The following CPAMD8 variants were observed in gnomAD, a reference collection of about 807,000 sequenced individuals.
The protein encoded by CPAMD8 is C3 and PZP like alpha-2-macroglobulin domain containing 8, also known as C3 and PZP-like alpha-2-macroglobulin domain-containing protein 8.
A neutral mutation model predicts 224.7 loss-of-function variants in CPAMD8; 146 were observed. The ratio of observed to expected loss-of-function variants is 0.65; its 90% CI spans 0.57 to 0.75. The LOEUF is 0.75. Ranked by LOEUF, CPAMD8 falls within the 30% of genes least tolerant of loss-of-function variation. The probability of loss-of-function intolerance (pLI) is 0.00; values close to 1 mark genes in which losing one functional copy is unlikely to be tolerated. For missense variants in CPAMD8, 2,301 were observed against 2,537.5 expected, an observed-to-expected ratio of 0.91 and a Z score of 2.00; for synonymous variants, 966 against 1,044.6, an observed-to-expected ratio of 0.92 and a Z score of 1.45.
chr19:16,907,331 G>A (rs1568461508), intron 29 of CPAMD8: 1 of 303,136 alleles, frequency 3.3e-6, no homozygotes, highest in Non-Finnish European at 4.9e-6. Context: ...TTTTTTTTTG[G>A]TAATAGGCTG....
chr19:16,902,625 C>T (rs367677958), intron 35 of CPAMD8, 24 bp downstream of exon 35: 46 of 1,517,964 alleles, frequency 3.0e-5, no homozygotes, highest in African/African-American at 1.1e-4. Context: ...GGGATGCCCA[C>T]GCCAGCAGGG....
At chr19:16,969,000 T>C (rs2054955091) in intron 18 of CPAMD8, among the ~76,000 whole-genome samples, 1 of 151,720 alleles carries the variant, frequency 6.6e-6, no homozygotes. Flanking sequence ...CTCATGAAGG[T>C]AGAGTTGGAG....
In CPAMD8 at chr19:16,980,662, C is replaced by T. The variant is rs544064745; in HGVS notation, c.1420G>A (p.Val474Met). ...LQVGEEAYFS[V>M]KSTCPCNFTL... ...AAGTTGCAGGGACATGTGGACTTCA[C>T]AGAAAAATAGGCTTCTTCCCCAACC... The change falls in exon 14 of 42, where the codon GTG becomes ATG. Residue 474 changes from valine (V) to methionine (M), a missense_variant. Val to Met is a conservative substitution (Grantham distance 21). This residue lies in a region of CPAMD8 where 301 missense variants were observed against 406.6 expected (regional missense o/e 0.74). Transcript: ENST00000443236. 1 of 1,556,110 alleles carries T rather than the reference C, an allele frequency of 6.4e-7. No individual in the cohort carries two copies. Among genetic ancestry groups the T allele is most frequent in the Non-Finnish European group, 8.7e-7 (1 of 1,152,840 alleles).
At chr19:16,904,193 CTGA>C in intron 32 of CPAMD8, 30 bp downstream of exon 32, 29 of 1,487,386 alleles carry the variant, frequency 1.9e-5, no homozygotes, top group East Asian at 5.0e-5. Context: ...CCACCCAGCC[CTGA>C]GCCCCTCCCT....
chr19:17,020,552 C>T (rs1274662818), intron 2 of CPAMD8, among the ~76,000 whole-genome samples, 199 bp from the exon 3 acceptor site: 1 of 152,098 alleles, frequency 6.6e-6, no homozygotes, highest in South Asian at 2.1e-4. Context: ...CTGGCACAAG[C>T]TGAAGGCCAG....
chr19:16,902,385 C>T (rs1001066515), intron 35 of CPAMD8, among the ~76,000 whole-genome samples: 2 of 152,008 alleles, frequency 1.3e-5, no homozygotes, highest in Non-Finnish European at 2.9e-5. Flanking sequence ...GGCATGATGG[C>T]GGGCACCTGT....
chr19:17,014,618 A>AAG (rs2056762943), intron 3 of CPAMD8, among the ~76,000 whole-genome samples: 1 of 152,182 alleles, frequency 6.6e-6, no homozygotes, highest in African/African-American at 2.4e-5. Context: ...GGTGGCAGGC[A>AAG]AGAGAGAATG....
intron 27 of CPAMD8, among the ~76,000 whole-genome samples, chr19:16,918,164 T>G (rs1453973711): frequency 6.6e-6 from 1 of 152,080 alleles, no homozygotes; most frequent in Non-Finnish European, 1.5e-5. Flanking sequence ...CCAGCTAATT[T>G]TAGTATTTTG....
chr19:16,938,852 C>G (rs886659184), intron 22 of CPAMD8, among the ~76,000 whole-genome samples: 1 of 152,210 alleles, frequency 6.6e-6, no homozygotes, highest in Non-Finnish European at 1.5e-5. Context: ...GAGAGGGGCT[C>G]CTGCATCTGC....
At chr19:16,900,551 T>C (rs1218086352) in intron 36 of CPAMD8, among the ~76,000 whole-genome samples, 2 of 152,054 alleles carry the variant, frequency 1.3e-5, no homozygotes, top group Non-Finnish European at 2.9e-5. Flanking sequence ...TGAGCTGAGA[T>C]TGTGCCATTG....
chr19:17,009,137 C>T, intron 6 of CPAMD8, 166 bp downstream of exon 6: 1 of 1,082,532 alleles, frequency 9.2e-7, no homozygotes, highest in Admixed American at 2.2e-5. Flanking sequence ...CACAGCCCAT[C>T]CCAGGGCGGA....
At chr19:16,914,044 A>T (rs1308093589) in intron 29 of CPAMD8, among the ~76,000 whole-genome samples, 1 of 152,110 alleles carries the variant, frequency 6.6e-6, no homozygotes, top group African/African-American at 2.4e-5. Context: ...AAAAACATGC[A>T]TGAGCCCAAC....
Position 16,945,578 on chromosome 19 carries a change from C to A in CPAMD8, c.2764G>T (p.Asp922Tyr). 6.2e-7 allele frequency: 1 copy of A among 1,614,170 alleles called. No homozygotes were observed. Among genetic ancestry groups the A allele is most frequent in the South Asian group, 1.1e-5 (1 of 91,080 alleles). ...HADRRVPIGV[D>Y]HVRRSVMVEA... is the part of the protein sequence containing the mutation. ...ACCATCACACTGCGCCTGACGTGAT[C>A]CACCCCGATGGGGACCCTCCTGTCG... Residue 922 changes from aspartate (D) to tyrosine (Y), a missense_variant, in exon 22 of 42, where the codon GAT becomes TAT. Asp to Tyr is a radical substitution (Grantham distance 160). This residue lies in a region of CPAMD8 where 1,709 missense variants were observed against 1,753.2 expected (regional missense o/e 0.97). Transcript: ENST00000443236.
intron 14 of CPAMD8, among the ~76,000 whole-genome samples, chr19:16,978,684 T>C (rs1232900263): frequency 1.3e-5 from 2 of 152,160 alleles, no homozygotes; most frequent in Non-Finnish European, 2.9e-5. Context: ...GTCCCAAATG[T>C]TGACAGTGCA....
intron 13 of CPAMD8, among the ~76,000 whole-genome samples, chr19:16,987,855 G>T (rs2122864695): frequency 6.6e-6 from 1 of 152,028 alleles, no homozygotes; most frequent in East Asian, 1.9e-4. Context: ...ATAGAGATGT[G>T]ATTTCACCAT....
chr19:17,014,787 A>C (rs572462522), intron 3 of CPAMD8, among the ~76,000 whole-genome samples: 1 of 152,346 alleles, frequency 6.6e-6, no homozygotes, highest in East Asian at 1.9e-4. Context: ...CTACAATTCA[A>C]GATGAGATTT....
chr19:17,005,830 TA>T (rs1194475798), intron 7 of CPAMD8, among the ~76,000 whole-genome samples: 2 of 152,118 alleles, frequency 1.3e-5, no homozygotes, highest in Non-Finnish European at 2.9e-5. Context: ...CTTTGATGGT[TA>T]CAGGACATTC....
intron 41 of CPAMD8, chr19:16,894,791 CAAAG>C: frequency 3.7e-6 from 1 of 266,800 alleles, no homozygotes; most frequent in Non-Finnish European, 7.7e-6. Flanking sequence ...CCTGTAATCC[CAAAG>C]CTTTGGGAGA....
chr19:16,925,420 T>A (rs780249887), intron 25 of CPAMD8, 48 bp from the exon 26 acceptor site: 1 of 1,465,308 alleles, frequency 6.8e-7, no homozygotes, highest in South Asian at 1.1e-5. Flanking sequence ...CCCAGTTCAG[T>A]AGAGAACAGG....
Sources: gnomAD v4.1 joint callset for allele counts (sites outside exome capture counted in the v4.1 genomes callset) on GRCh38, gnomAD v4.1.1 for gene constraint, gnomAD v4.1.1 regional missense constraint, MANE v1.5 for transcripts, NCBI Gene and HGNC (gene_info 2026-07-23, HGNC 2026-07-21) for gene names.